The following ITGB5 variants were observed in gnomAD, a reference collection of about 807,000 sequenced individuals.
ITGB5 encodes the protein integrin subunit beta 5.
In ITGB5, 38 loss-of-function variants were observed where a neutral mutation model predicts 84.8. The observed-to-expected ratio is 0.45, with a 90% CI of 0.35 to 0.59. The LOEUF (loss-of-function observed/expected upper bound fraction) is 0.59, where lower values mean the gene tolerates loss of function less well. Ranked by LOEUF, ITGB5 falls within the 20% of genes least tolerant of loss-of-function variation. The pLI, the probability that ITGB5 is intolerant of heterozygous loss-of-function variation, is 0.01. For synonymous variants in ITGB5, 393 were observed against 414.4 expected (o/e 0.95, Z 0.63); for missense variants, 905 against 1,034.5 (o/e 0.87, Z 1.72).
Position 124,841,505 on chromosome 3 carries a change from G to A in ITGB5, c.658C>T (p.Leu220=). The part of the protein sequence containing the change: ...NCVPSFGFRH[L]LPLTDRVDSF... The stretch of plus-strand genomic sequence containing the variant: ...TCCACTCTGTCTGTGAGAGGCAGCA[G>A]ATGGCGGAACCCAAAGGAGGGGACG... The change falls in exon 5 of 15, where the codon CTG becomes TTG. Residue 220 remains leucine, a synonymous_variant. Coordinates refer to ENST00000296181, the MANE Select transcript of ITGB5 (RefSeq NM_002213.5). The A allele has an allele frequency of 6.2e-7, 1 of 1,614,218 alleles. No individual in the cohort carries two copies. The highest frequency in any genetic ancestry group is 2.2e-5 in the East Asian group (1 of 44,894).
chr3:124,782,374 C>T (rs1197277898), intron 10 of ITGB5, among the ~76,000 whole-genome samples: 2 of 152,180 alleles, frequency 1.3e-5, no homozygotes, highest in Non-Finnish European at 1.5e-5. Context: ...GCATGGCCAA[C>T]GGAGTCCACT....
At chr3:124,895,620 C>T (rs1935087642) in intron 1 of ITGB5, among the ~76,000 whole-genome samples, 1 of 152,120 alleles carries the variant, frequency 6.6e-6, no homozygotes. Flanking sequence ...CTTCTGGACC[C>T]CTACCCTTCT....
At chr3:124,804,989 CCTT>C (rs1167350962) in intron 9 of ITGB5, among the ~76,000 whole-genome samples, 3 of 151,284 alleles carry the variant, frequency 2.0e-5, no homozygotes, top group African/African-American at 4.9e-5. Context: ...TTCCTTCCTT[CCTT>C]CTTTCTTTTT....
intron 3 of ITGB5, among the ~76,000 whole-genome samples, chr3:124,849,552 A>C (rs150612968): frequency 2.0e-5 from 3 of 152,322 alleles, no homozygotes; most frequent in Non-Finnish European, 4.4e-5. Flanking sequence ...GAAACTACAT[A>C]TATAAATACA....
intron 10 of ITGB5, among the ~76,000 whole-genome samples, chr3:124,796,037 C>T (rs991915074): frequency 5.3e-5 from 8 of 152,202 alleles, no homozygotes; most frequent in African/African-American, 1.9e-4. Flanking sequence ...ACTGCCAGCC[C>T]CAGTGAGTTC....
At chr3:124,875,998 G>A (rs1278321217) in intron 1 of ITGB5, among the ~76,000 whole-genome samples, 1 of 152,166 alleles carries the variant, frequency 6.6e-6, no homozygotes, top group Admixed American at 6.6e-5. Flanking sequence ...GGGTTGAGGT[G>A]GGATGGAGAA....
chr3:124,882,577 AGTG>A (rs1315541065), intron 1 of ITGB5, among the ~76,000 whole-genome samples: 1 of 152,204 alleles, frequency 6.6e-6, no homozygotes, highest in East Asian at 1.9e-4. Flanking sequence ...TCGAAGGGAA[AGTG>A]GTGAAGGAAA....
At chr3:124,803,548 G>A (rs867254768) in intron 9 of ITGB5, among the ~76,000 whole-genome samples, 1 of 152,234 alleles carries the variant, frequency 6.6e-6, no homozygotes, top group Non-Finnish European at 1.5e-5. Context: ...AGGCAGTGAT[G>A]AGCGAGATGA....
chr3:124,797,476 T>C (rs1348638480), intron 9 of ITGB5, among the ~76,000 whole-genome samples: 1 of 151,886 alleles, frequency 6.6e-6, no homozygotes, highest in African/African-American at 2.4e-5. Flanking sequence ...TAAAGAAGAG[T>C]CTCCAACTGA....
chr3:124,814,059 TA>T (rs1350419855), intron 8 of ITGB5, among the ~76,000 whole-genome samples: 1 of 152,036 alleles, frequency 6.6e-6, no homozygotes, highest in Non-Finnish European at 1.5e-5. Context: ...CCAAATATAA[TA>T]ACAAAAGATT....
intron 13 of ITGB5, 39 bp downstream of exon 13, chr3:124,766,187 G>T: frequency 1.3e-6 from 2 of 1,599,944 alleles, no homozygotes; most frequent in Non-Finnish European, 1.7e-6. Context: ...AGAACTGAGG[G>T]CTGGCTGAGT....
intron 2 of ITGB5, among the ~76,000 whole-genome samples, chr3:124,861,687 G>C (rs952322555): frequency 6.6e-6 from 1 of 151,354 alleles, no homozygotes; most frequent in Admixed American, 6.6e-5. Context: ...TCAGCCTCCC[G>C]AGTAGCTGGG....
chr3:124,773,901 A>G lies in ITGB5; in HGVS notation c.1705T>C (p.Cys569Arg), dbSNP rs2063885373. The G allele has an allele frequency of 1.9e-6, 3 of 1,614,044 alleles. No individual in the cohort carries two copies. Among genetic ancestry groups the G allele is most frequent in the Non-Finnish European group, 2.5e-6 (3 of 1,179,998 alleles). The change falls in exon 11 of 15, where the codon TGT (cysteine) becomes CGT (arginine). Residue 569 changes from cysteine (C) to arginine (R), a missense_variant. Transcript: ENST00000296181. ...KGVLCSGHGE[C>R]HCGECKCHAG... ...TGGCACTTGCATTCCCCGCAGTGAC[A>G]CTCGCCATGGCCTAAAAGGATACAT...
At chr3:124,797,981 T>G (rs1342873174) in intron 9 of ITGB5, among the ~76,000 whole-genome samples, 2 of 151,818 alleles carry the variant, frequency 1.3e-5, no homozygotes, top group African/African-American at 4.8e-5. Flanking sequence ...CAGATCATTC[T>G]GAAGCTCAGA....
rs1553764719 is a variant in ITGB5 at position 124,851,639 on chromosome 3, A to ACG, written c.362-3082_362-3081insCG. ...CACACACACACACACACACACACAC[A>ACG]CACGCACACATCCCTTCCCAAAGGA... On this transcript the variant is annotated intron_variant, in intron 3 of 14. Coordinates refer to ENST00000296181, the MANE Select transcript of ITGB5 (RefSeq NM_002213.5). 7.3e-5 allele frequency among the ~76,000 whole-genome samples: 11 copies of ACG among 150,908 alleles called. No individual in the cohort carries two copies. In the East Asian group the frequency reaches 7.8e-4, roughly 11 times the overall value.
rs528889905 is a variant in ITGB5, at chr3:124,860,839, C to T, written c.157-1393G>A. Among the ~76,000 whole-genome samples, 4 of 152,336 alleles carry T rather than the reference C, an allele frequency of 2.6e-5. No individual in the cohort carries two copies. The East Asian group carries it at 7.7e-4, about 29-fold the overall frequency. ...CAGAGGCACAAAAATCAGAGGAATGCACCCTCCCTCAAGGTCTCAGATGTC... is the reference window on the plus strand; with the variant it reads ...CAGAGGCACAAAAATCAGAGGAATGTACCCTCCCTCAAGGTCTCAGATGTC... On this transcript the variant is annotated intron_variant, in intron 2 of 14. Transcript: ENST00000296181.
At chr3:124,840,517 T>C (rs2064996019) in intron 5 of ITGB5, among the ~76,000 whole-genome samples, 3 of 152,188 alleles carry the variant, frequency 2.0e-5, no homozygotes, top group Admixed American at 1.3e-4. Context: ...TCCATTTATA[T>C]ATTTTGCTAA....
Position 124,882,084 on chromosome 3 carries a change from G to A in ITGB5, c.70+4847C>T, listed in dbSNP as rs184425322. ...TAGCTGTGGAAGGCAACAGGGAGTT[G>A]AGGACGGGATGCATCGCCCTCTTCA... On this transcript the variant is annotated intron_variant, in intron 1 of 14. Coordinates refer to ENST00000296181, the MANE Select transcript of ITGB5 (RefSeq NM_002213.5). 3.5e-3 allele frequency among the ~76,000 whole-genome samples: 533 copies of A among 152,346 alleles called. 6 individuals are homozygous for A. The highest frequency in any genetic ancestry group is 0.011 in the African/African-American group (467 of 41,574).
chr3:124,864,954 G>C (rs2065364770), intron 2 of ITGB5, among the ~76,000 whole-genome samples: 1 of 152,172 alleles, frequency 6.6e-6, no homozygotes, highest in Admixed American at 6.5e-5. Context: ...ACAGACCTAA[G>C]TTCACCCAAG....
Sources: allele counts gnomAD v4.1 joint callset (sites outside exome capture counted in the v4.1 genomes callset), GRCh38; gene constraint gnomAD v4.1.1; transcripts MANE v1.5; gene names NCBI Gene and HGNC (gene_info 2026-07-23, HGNC 2026-07-21).